LARS2: variants seen among roughly 807,000 people sequenced by gnomAD.
LARS2 encodes the protein leucyl-tRNA synthetase 2, mitochondrial.
Under a neutral mutation model 116.6 loss-of-function variants are expected in LARS2, and 81 were observed. The ratio of observed to expected loss-of-function variants is 0.69; its 90% confidence interval spans 0.58 to 0.84. The LOEUF (loss-of-function observed/expected upper bound fraction) is 0.84, where lower values mean the gene tolerates loss of function less well. LARS2 is among the 40% of genes least tolerant of loss of function. LARS2 has a pLI of 0.00. For missense variants in LARS2, 968 were observed against 1,114.5 expected, an observed-to-expected ratio of 0.87 and a Z score of 1.87; for synonymous variants, 396 against 407.2, an observed-to-expected ratio of 0.97 and a Z score of 0.33.
intron 8 of LARS2, among the ~76,000 whole-genome samples, chr3:45,462,160 A>G (rs1699336442): frequency 1.3e-5 from 2 of 152,184 alleles, no homozygotes; most frequent in Non-Finnish European, 2.9e-5. Flanking sequence ...TACCCACATA[A>G]CAGGCTGCCA....
At chr3:45,396,089 G>A (rs775042609) in intron 3 of LARS2, among the ~76,000 whole-genome samples, 3 of 152,146 alleles carry the variant, frequency 2.0e-5, no homozygotes, top group Admixed American at 2.0e-4. Context: ...ATGTTTTGAT[G>A]TTGTAGCTTA....
chr3:45,547,414 G>T lies in LARS2; in HGVS notation c.2596G>T (p.Val866Phe). Reference sequence around the variant, plus strand: ...ACAAGTTGCCCGGGACCAGGACAAAGTCCACGAATTTGTTCTTCAAAGCGA... The same window carrying T: ...ACAAGTTGCCCGGGACCAGGACAAATTCCACGAATTTGTTCTTCAAAGCGA... ...PQQVARDQDK[V>F]HEFVLQSELG... The change falls in exon 22 of 22, where the codon GTC becomes TTC. Residue 866 changes from valine to phenylalanine, a missense_variant. Coordinates refer to ENST00000645846, the MANE Select transcript of LARS2 (RefSeq NM_015340.4). The T allele has an allele frequency of 6.2e-7, 1 of 1,613,864 alleles. No homozygotes were observed. Among genetic ancestry groups the T allele is most frequent in the Non-Finnish European group, 8.5e-7 (1 of 1,179,930 alleles).
intron 7 of LARS2, 33 bp from the exon 8 acceptor site, chr3:45,458,710 A>G: frequency 1.2e-6 from 2 of 1,608,328 alleles, no homozygotes; most frequent in Non-Finnish European, 1.7e-6. Context: ...AGTACTCACC[A>G]GATTGTGCCA....
intron 1 of LARS2, chr3:45,389,222 G>T (rs1697896506): frequency 1.3e-5 from 2 of 150,310 alleles, no homozygotes; most frequent in African/African-American, 2.4e-5. Flanking sequence ...GTACACAGAT[G>T]TCCTCGTGTG....
At chr3:45,398,309 T>A (rs1051163194) in intron 3 of LARS2, among the ~76,000 whole-genome samples, 3 of 152,250 alleles carry the variant, frequency 2.0e-5, no homozygotes, top group African/African-American at 7.2e-5. Context: ...GATTTCTGGT[T>A]TCTTCTGCTC....
intron 8 of LARS2, among the ~76,000 whole-genome samples, chr3:45,465,014 G>C (rs1422196904): frequency 2.0e-5 from 3 of 152,054 alleles, no homozygotes; most frequent in Non-Finnish European, 1.5e-5. Flanking sequence ...TAGATACTGT[G>C]GGGTAGGAGG....
At chr3:45,540,643 C>T (rs1051919401) in intron 20 of LARS2, among the ~76,000 whole-genome samples, 3 of 152,208 alleles carry the variant, frequency 2.0e-5, no homozygotes, top group Non-Finnish European at 4.4e-5. Context: ...TTCACTTGCC[C>T]ACTTCTGCCC....
intron 4 of LARS2, among the ~76,000 whole-genome samples, chr3:45,407,633 G>A (rs941201654): frequency 1.7e-4 from 26 of 152,188 alleles, no homozygotes; most frequent in Non-Finnish European, 3.8e-4. Context: ...TTGGAAATAA[G>A]AAGTGTTGAA....
In LARS2 at chr3:45,485,683, C is replaced by T. The variant is rs372344343; in HGVS notation, c.1019-9C>T. 1.9e-6 allele frequency: 3 copies of T among 1,549,374 alleles called. No individual in the cohort carries two copies. The highest frequency in any genetic ancestry group is 2.7e-5 in the African/African-American group (2 of 73,818). On this transcript the variant is annotated splice_polypyrimidine_tract_variant and intron_variant, in intron 10 of 21. Coordinates refer to ENST00000645846, the MANE Select transcript of LARS2 (RefSeq NM_015340.4). ...AGTGGCATCCACAGTTATTTGCTCT[C>T]ATTTTCAGATTGCCTCACGCCTGTA...
At chr3:45,469,951 A>C (rs1699493256) in intron 8 of LARS2, among the ~76,000 whole-genome samples, 1 of 152,220 alleles carries the variant, frequency 6.6e-6, no homozygotes, top group Admixed American at 6.5e-5. Context: ...GCTTTTAAAA[A>C]GTGTACATTT....
intron 10 of LARS2, among the ~76,000 whole-genome samples, chr3:45,478,205 A>G (rs1699646389): frequency 1.3e-5 from 2 of 152,262 alleles, no homozygotes; most frequent in African/African-American, 4.8e-5. Flanking sequence ...CTTGCTCAAA[A>G]GAAAAACTGG....
rs769300447 is a variant in LARS2, at chr3:45,485,784, G to A, written c.1111G>A (p.Asp371Asn). ...CAAAGCTGACTTGGAAGGCTCTCTG[G>A]ATTCAAAAATAGGTAAGCAGCTATT... ...LAKADLEGSLDSKIGIPSTSS... is the reference protein window; with the variant it reads ...LAKADLEGSLNSKIGIPSTSS... Residue 371 changes from aspartate (D) to asparagine (N), a missense_variant, in exon 11 of 22, where the codon GAT becomes AAT. Physicochemically the swap from Asp to Asn is conservative, Grantham distance 23 (BLOSUM62 1). Transcript: ENST00000645846. 4 of 1,604,412 alleles carry A rather than the reference G, an allele frequency of 2.5e-6. No individual in the cohort carries two copies. Among genetic ancestry groups the A allele is most frequent in the Middle Eastern group, 1.7e-4 (1 of 6,054 alleles).
chr3:45,473,248 T>C (rs1393619280), intron 8 of LARS2, among the ~76,000 whole-genome samples: 1 of 152,224 alleles, frequency 6.6e-6, no homozygotes, highest in Non-Finnish European at 1.5e-5. Flanking sequence ...TTTTCATTTT[T>C]ATTGTAAAAT....
chr3:45,520,225 A>C lies in LARS2; in HGVS notation c.2221A>C (p.Thr741Pro). 1.2e-6 allele frequency: 2 copies of C among 1,609,070 alleles called. No individual in the cohort carries two copies. Among genetic ancestry groups the C allele is most frequent in the Non-Finnish European group, 1.7e-6 (2 of 1,175,572 alleles). The change falls in exon 19 of 22, where the codon ACC becomes CCC. Residue 741 changes from threonine (T) to proline (P), a missense_variant. Transcript: ENST00000645846. ...YKNSVISQVT[T>P]HFTEDFSLNS... is the part of the protein sequence containing the mutation. ...ATTGAACCTTTACTAATAGGTGACCACCCATTTCACAGAGGACTTCTCACT... is the reference window on the plus strand; with the variant it reads ...ATTGAACCTTTACTAATAGGTGACCCCCCATTTCACAGAGGACTTCTCACT...
chr3:45,391,098 T>G (rs1185908944), intron 1 of LARS2, among the ~76,000 whole-genome samples: 1 of 152,244 alleles, frequency 6.6e-6, no homozygotes, highest in East Asian at 1.9e-4. Flanking sequence ...ACAGATTTTT[T>G]AGCATCAGAT....
At chr3:45,522,792 A>G (rs927540462) in intron 19 of LARS2, among the ~76,000 whole-genome samples, 3 of 152,120 alleles carry the variant, frequency 2.0e-5, no homozygotes, top group Admixed American at 6.5e-5. Flanking sequence ...TGGTTCACAC[A>G]TGTAATCCTA....
At chr3:45,540,071 A>G (rs1700767813) in intron 20 of LARS2, among the ~76,000 whole-genome samples, 1 of 152,156 alleles carries the variant, frequency 6.6e-6, no homozygotes, top group Non-Finnish European at 1.5e-5. Flanking sequence ...CAACCTGGCC[A>G]ACATGATGAA....
At position 45,516,082 on chromosome 3, in the gene LARS2, T is replaced by G. The variant is rs972686689; in HGVS notation, c.1862-12T>G. On this transcript the variant is annotated splice_polypyrimidine_tract_variant and intron_variant, in intron 16 of 21. Coordinates refer to ENST00000645846, the MANE Select transcript of LARS2 (RefSeq NM_015340.4). ...GACACATACCATACCTATGGATTAT[T>G]TTGGCATCTAGGTTCCGTTCCTGTT... 2 of 1,611,704 alleles carry G rather than the reference T, an allele frequency of 1.2e-6. No individual in the cohort carries two copies. Among genetic ancestry groups the G allele is most frequent in the Non-Finnish European group, 1.7e-6 (2 of 1,178,082 alleles).
At chr3:45,438,702 G>T (rs1342177948) in intron 6 of LARS2, among the ~76,000 whole-genome samples, 2 of 151,942 alleles carry the variant, frequency 1.3e-5, no homozygotes, top group African/African-American at 4.8e-5. Flanking sequence ...AGGCATGGTG[G>T]TGGGCTCCTG....
Sources: gnomAD v4.1 joint callset for allele counts (sites outside exome capture counted in the v4.1 genomes callset) on GRCh38, gnomAD v4.1.1 for gene constraint, MANE v1.5 for transcripts, NCBI Gene and HGNC (gene_info 2026-07-23, HGNC 2026-07-21) for gene names.